Variants in IMMT observed in about 807,000 individuals in gnomAD.
The protein encoded by IMMT is MICOS complex subunit MIC60.
IMMT carries 40 observed loss-of-function variants against 92.7 expected under a neutral mutation model. The observed-to-expected ratio is 0.43, with a 90% CI of 0.34 to 0.56. The LOEUF is 0.56. Ranked by LOEUF, IMMT falls within the 20% of genes least tolerant of loss-of-function variation. IMMT has a pLI of 0.03. For missense variants in IMMT, 831 were observed against 912.1 expected (o/e 0.91, Z 1.14); for synonymous variants, 322 against 336.1 (o/e 0.96, Z 0.46).
chr2:86,179,366 A>T, intron 3 of IMMT, 67 bp downstream of exon 3: 1 of 1,310,664 alleles, frequency 7.6e-7, no homozygotes, highest in Non-Finnish European at 1.0e-6. Context: ...CTGTATTTTC[A>T]ACATGAAAAC....
chr2:86,169,455 A>G (rs1391183319), intron 6 of IMMT, among the ~76,000 whole-genome samples: 2 of 152,188 alleles, frequency 1.3e-5, no homozygotes, highest in African/African-American at 4.8e-5. Context: ...ATGCTATTCT[A>G]AGAAACTTGG....
At chr2:86,191,747 CAAA>C (rs572412565) in intron 1 of IMMT, among the ~76,000 whole-genome samples, 2 of 116,870 alleles carry the variant, frequency 1.7e-5, no homozygotes, top group Non-Finnish European at 3.4e-5. Flanking sequence ...ACTAAAAATA[CAAA>C]AAAAAAAAAA....
intron 1 of IMMT, among the ~76,000 whole-genome samples, chr2:86,190,039 T>G (rs1258874327): frequency 2.6e-5 from 4 of 152,228 alleles, no homozygotes; most frequent in African/African-American, 7.2e-5. Context: ...CCTGCACATA[T>G]GTGAATATAT....
chr2:86,171,856 A>ATT (rs1250816582), intron 4 of IMMT, among the ~76,000 whole-genome samples: 10 of 118,386 alleles, frequency 8.4e-5, no homozygotes, highest in African/African-American at 3.0e-4. Context: ...ACATATATAT[A>ATT]TATATATTTT....
chr2:86,170,878 T>G, intron 5 of IMMT, 34 bp from the exon 6 acceptor site: 1 of 1,483,822 alleles, frequency 6.7e-7, no homozygotes, highest in Middle Eastern at 1.8e-4. Context: ...GAAATCAAAT[T>G]TCAGCATAGA....
rs1269525992 is a variant in IMMT, at chr2:86,189,478, GC to G, written c.45+5859del. 2.0e-5 allele frequency among the ~76,000 whole-genome samples: 3 copies of G among 152,166 alleles called. No individual in the cohort carries two copies. In the East Asian group the frequency reaches 5.8e-4, roughly 29 times the overall value. On this transcript the variant is annotated intron_variant, in intron 1 of 14. Transcript: ENST00000410111. ...TTGAACTCCTGACCTCAAGTGTTCC[GC>G]CCCATGATTAATGCTGTTACACAGA...
At chr2:86,159,447 G>A (rs1676106719) in intron 9 of IMMT, 89 bp downstream of exon 9, 1 of 1,055,650 alleles carries the variant, frequency 9.5e-7, no homozygotes. Flanking sequence ...CGGGGAGATG[G>A]TAGGAATTTG....
chr2:86,149,035 A>C (rs1323127431), intron 12 of IMMT, among the ~76,000 whole-genome samples: 1 of 148,726 alleles, frequency 6.7e-6, no homozygotes, highest in Admixed American at 6.6e-5. Flanking sequence ...TGTGATACAT[A>C]TTTCTACATA....
intron 1 of IMMT, among the ~76,000 whole-genome samples, chr2:86,191,266 G>T (rs147045028): frequency 1.3e-5 from 2 of 150,608 alleles, no homozygotes; most frequent in Non-Finnish European, 3.0e-5. Context: ...GATGGCTTGA[G>T]TCTGGTGGAT....
chr2:86,191,575 GCCAGT>G (rs1255830637), intron 1 of IMMT, among the ~76,000 whole-genome samples: 5 of 151,946 alleles, frequency 3.3e-5, no homozygotes, highest in African/African-American at 1.2e-4. Flanking sequence ...TTCTGGACTT[GCCAGT>G]CTCCATAACT....
chr2:86,146,377 T>A lies in IMMT; in HGVS notation c.1534-180A>T, dbSNP rs865791107. 3.0e-3 allele frequency among the ~76,000 whole-genome samples: 422 copies of A among 141,722 alleles called. 2 individuals are homozygous for A. Among genetic ancestry groups the A allele is most frequent in the Non-Finnish European group, 3.1e-3 (203 of 66,154 alleles). The allele number at this position is 141,722 out of a possible 152,430, so 93.0% of individuals were successfully genotyped here. On this transcript the variant is annotated intron_variant, in intron 13 of 14. Coordinates refer to ENST00000410111, the MANE Select transcript of IMMT (RefSeq NM_006839.3). ...CTCATATTTGATGTATATAATATAT[T>A]TTTTTTTTTTTTGAGATGGAATCTT...
At chr2:86,154,102 G>A (rs776063146) in intron 10 of IMMT, among the ~76,000 whole-genome samples, 3 of 151,746 alleles carry the variant, frequency 2.0e-5, no homozygotes, top group Non-Finnish European at 2.9e-5. Flanking sequence ...GGGCTCAAGC[G>A]ATCTGCCTTC....
At chr2:86,195,131 C>A (rs989505327) in intron 1 of IMMT, 8 of 504,400 alleles carry the variant, frequency 1.6e-5, no homozygotes, top group South Asian at 1.0e-4. Context: ...CTCCACACCC[C>A]ACCCCGCTGC....
Position 86,144,170 on chromosome 2 carries a change from T to G in IMMT, c.*98A>C. 1 of 1,348,750 alleles carries G rather than the reference T, an allele frequency of 7.4e-7. No individual in the cohort carries two copies. Among genetic ancestry groups the G allele is most frequent in the Non-Finnish European group, 1.0e-6 (1 of 981,716 alleles). The allele number at this position is 1,348,750 out of a possible 1,614,324, so 83.5% of individuals were successfully genotyped here. On this transcript the variant is annotated 3_prime_UTR_variant, in exon 15 of 15. Coordinates refer to ENST00000410111, the MANE Select transcript of IMMT (RefSeq NM_006839.3). ...AGAACAGTACTTGTAAACCTGCTCA[T>G]TTCTAGACAAGTCCGGGACTCTCGC...
At chr2:86,151,186 G>A (rs930617639) in intron 12 of IMMT, 111 bp downstream of exon 12, 11 of 924,334 alleles carry the variant, frequency 1.2e-5, no homozygotes, top group South Asian at 4.6e-5. Flanking sequence ...CCAAAGTGCC[G>A]CGATTACAGG....
chr2:86,195,139 T>C (rs1331674243), intron 1 of IMMT, 199 bp downstream of exon 1: 4 of 514,920 alleles, frequency 7.8e-6, no homozygotes, highest in Non-Finnish European at 1.4e-5. Context: ...CCCACCCCGC[T>C]GCTGCAATAA....
At chr2:86,165,438 GCTA>G (rs1264470033) in intron 7 of IMMT, among the ~76,000 whole-genome samples, 1 of 152,136 alleles carries the variant, frequency 6.6e-6, no homozygotes, top group Non-Finnish European at 1.5e-5. Flanking sequence ...GTAGTTTCTT[GCTA>G]CTAACATCAG....
intron 1 of IMMT, among the ~76,000 whole-genome samples, chr2:86,188,136 T>G (rs1317875826): frequency 6.6e-6 from 1 of 151,554 alleles, no homozygotes; most frequent in African/African-American, 2.4e-5. Context: ...GCCTCCCGGG[T>G]TCAAGTGATT....
At chr2:86,153,103 TACTG>T (rs1378587070) in intron 11 of IMMT, among the ~76,000 whole-genome samples, 4 of 152,198 alleles carry the variant, frequency 2.6e-5, no homozygotes, top group African/African-American at 9.6e-5. Context: ...TTTTGAAACA[TACTG>T]AAAGTATTTA....
Sources: allele counts gnomAD v4.1 joint callset (sites outside exome capture counted in the v4.1 genomes callset), GRCh38; gene constraint gnomAD v4.1.1; transcripts MANE v1.5; gene names NCBI Gene and HGNC (gene_info 2026-07-23, HGNC 2026-07-21).